The following GRIN2B variants were observed in gnomAD, a reference collection of about 807,000 sequenced individuals.
GRIN2B encodes the protein glutamate receptor ionotropic, NMDA 2B.
GRIN2B carries 5 observed loss-of-function variants against 114.5 expected under a neutral mutation model. That is an observed-to-expected ratio of 0.04 (90% CI 0.02 to 0.09). The LOEUF (loss-of-function observed/expected upper bound fraction) is 0.09, where lower values mean the gene tolerates loss of function less well. Ranked by LOEUF, GRIN2B falls within the 10% of genes least tolerant of loss-of-function variation. The pLI is 1.00. For synonymous variants in GRIN2B, 787 were observed against 745.1 expected (o/e 1.06, Z -0.92); for missense variants, 1,108 against 1,943.5 (o/e 0.57, Z 8.08).
chr12:13,825,753 G>A (rs949270088), intron 3 of GRIN2B, among the ~76,000 whole-genome samples: 4 of 151,846 alleles, frequency 2.6e-5, no homozygotes, highest in African/African-American at 9.7e-5. Context: ...TTGACCTCAG[G>A]TGATCTGCCC....
Position 13,559,229 on chromosome 12 carries a change from C to T in GRIN2B, c.*3554G>A, listed in dbSNP as rs1325887466. ...TTAAGCAGACCATGAGTAACTTAGT[C>T]CCAGTGCAAATATCCAGTTGAAGAA... On this transcript the variant is annotated 3_prime_UTR_variant, in exon 14 of 14. Coordinates refer to ENST00000609686, the MANE Select transcript of GRIN2B (RefSeq NM_000834.5). 2 of 152,158 alleles carry T rather than the reference C, an allele frequency of 1.3e-5. No individual in the cohort carries two copies. The highest frequency in any genetic ancestry group is 2.9e-5 in the Non-Finnish European group (2 of 68,028). 9.4% of individuals were successfully genotyped at this position (152,158 alleles called of 1,614,324 possible). A position where few individuals can be genotyped will look rare whatever the true frequency, so the allele number is the denominator to read the frequency against.
At chr12:13,643,756 G>A (rs758859406) in intron 5 of GRIN2B, among the ~76,000 whole-genome samples, 6 of 152,074 alleles carry the variant, frequency 3.9e-5, no homozygotes, top group Non-Finnish European at 5.9e-5. Context: ...TCGTTATTTC[G>A]ACAATGTTAT....
chr12:13,633,464 G>A (rs141522352), intron 5 of GRIN2B, among the ~76,000 whole-genome samples: 257 of 152,336 alleles, frequency 1.7e-3, no homozygotes, highest in African/African-American at 5.5e-3. Context: ...GAGGATACTG[G>A]CCTGTGCCAC....
At chr12:13,682,311 G>A (rs1370105931) in intron 4 of GRIN2B, among the ~76,000 whole-genome samples, 2 of 151,260 alleles carry the variant, frequency 1.3e-5, no homozygotes, top group African/African-American at 2.4e-5. Context: ...AAACTCTGTG[G>A]TTGGACAATA....
chr12:13,914,606 G>T (rs1221749072), intron 2 of GRIN2B, among the ~76,000 whole-genome samples: 1 of 152,172 alleles, frequency 6.6e-6, no homozygotes, highest in East Asian at 1.9e-4. Context: ...ACATATCAAA[G>T]AGATGTCTGC....
chr12:13,865,693 C>G (rs1167423735), intron 3 of GRIN2B, 105 bp downstream of exon 3: 2 of 943,086 alleles, frequency 2.1e-6, no homozygotes, highest in East Asian at 4.8e-5. Flanking sequence ...TCAATGCAAT[C>G]TGGTTACCTT....
At chr12:13,957,891 C>G (rs1007493225) in intron 2 of GRIN2B, among the ~76,000 whole-genome samples, 5 of 152,130 alleles carry the variant, frequency 3.3e-5, no homozygotes, top group African/African-American at 9.7e-5. Flanking sequence ...CTAACCCTGA[C>G]AAATATAAGG....
chr12:13,647,977 TAGGG>T (rs1223412723), intron 5 of GRIN2B, among the ~76,000 whole-genome samples: 4 of 152,092 alleles, frequency 2.6e-5, no homozygotes, highest in African/African-American at 9.7e-5. Context: ...TGAGATATCT[TAGGG>T]GCTGTCTGTT....
chr12:13,778,275 C>T (rs1171702246), intron 3 of GRIN2B, among the ~76,000 whole-genome samples: 2 of 152,286 alleles, frequency 1.3e-5, no homozygotes, highest in East Asian at 1.9e-4. Flanking sequence ...CAGCTTCTAC[C>T]CCAGGTGGAT....
chr12:13,796,728 G>A (rs1366123813), intron 3 of GRIN2B, among the ~76,000 whole-genome samples: 3 of 152,120 alleles, frequency 2.0e-5, no homozygotes, highest in Non-Finnish European at 2.9e-5. Context: ...CCATTCCCCT[G>A]CAGGCTTGGG....
At chr12:13,800,157 A>G (rs993149729) in intron 3 of GRIN2B, among the ~76,000 whole-genome samples, 1 of 152,086 alleles carries the variant, frequency 6.6e-6, no homozygotes, top group Non-Finnish European at 1.5e-5. Context: ...CTTAAAGACC[A>G]TTCTCTAGTG....
At chr12:13,748,647 C>T (rs1284043911) in intron 4 of GRIN2B, among the ~76,000 whole-genome samples, 1 of 152,196 alleles carries the variant, frequency 6.6e-6, no homozygotes, top group African/African-American at 2.4e-5. Context: ...CCAGCCCTTT[C>T]AATCAAATAA....
chr12:13,722,940 G>C (rs1862905773), intron 4 of GRIN2B, among the ~76,000 whole-genome samples: 1 of 152,042 alleles, frequency 6.6e-6, no homozygotes. Context: ...GATCACTTCT[G>C]CTCTGGCTTC....
chr12:13,878,591 A>G (rs111611888), intron 2 of GRIN2B, among the ~76,000 whole-genome samples: 1 of 152,208 alleles, frequency 6.6e-6, no homozygotes, highest in African/African-American at 2.4e-5. Context: ...TGAGTTCCAC[A>G]ATAATACCTA....
In GRIN2B at chr12:13,552,964, G is replaced by A. The variant is rs1285120534; in HGVS notation, c.*9819C>T. 6.6e-6 allele frequency: 1 copy of A among 152,144 alleles called. No individual in the cohort carries two copies. Among genetic ancestry groups the A allele is most frequent in the African/African-American group, 2.4e-5 (1 of 41,428 alleles). The allele number at this position is 152,144 out of a possible 1,614,324, so 9.4% of individuals were successfully genotyped here. On this transcript the variant is annotated 3_prime_UTR_variant, in exon 14 of 14. Coordinates refer to ENST00000609686, the MANE Select transcript of GRIN2B (RefSeq NM_000834.5). ...ATTTGAGTTCAGTTCTCTATAGTAT[G>A]CTTTAAATTAGCACACAGTGGCAGA...
intron 5 of GRIN2B, among the ~76,000 whole-genome samples, chr12:13,674,803 T>C (rs1950056203): frequency 6.6e-6 from 1 of 152,130 alleles, no homozygotes; most frequent in South Asian, 2.1e-4. Flanking sequence ...GAAATTCCAT[T>C]CTAAATAAAA....
chr12:13,718,702 G>C (rs10845834), intron 4 of GRIN2B, among the ~76,000 whole-genome samples: 14,365 of 151,950 alleles, frequency 0.095, 781 homozygotes, highest in East Asian at 0.18. Flanking sequence ...ATCCCTGGTG[G>C]GCAAACTCTG....
chr12:13,917,284 C>A (rs1278073574), intron 2 of GRIN2B, among the ~76,000 whole-genome samples: 2 of 152,186 alleles, frequency 1.3e-5, no homozygotes, highest in Non-Finnish European at 2.9e-5. Flanking sequence ...CAAGCCCCAG[C>A]AACCCACAAT....
At chr12:13,719,093 A>G (rs1366896075) in intron 4 of GRIN2B, among the ~76,000 whole-genome samples, 2 of 152,004 alleles carry the variant, frequency 1.3e-5, no homozygotes, top group East Asian at 3.9e-4. Flanking sequence ...AATCTCACTC[A>G]GTTAACTCAT....
Sources: gnomAD v4.1 joint callset for allele counts (sites outside exome capture counted in the v4.1 genomes callset) on GRCh38, gnomAD v4.1.1 for gene constraint, MANE v1.5 for transcripts, NCBI Gene and HGNC (gene_info 2026-07-23, HGNC 2026-07-21) for gene names.